Variants in TRIQK observed in about 807,000 individuals in gnomAD.
TRIQK encodes the protein triple QxxK/R motif containing.
In TRIQK, 10 loss-of-function variants were observed where a neutral mutation model predicts 10.8. The ratio of observed to expected loss-of-function variants is 0.92; its 90% confidence interval spans 0.57 to 1.57. The LOEUF (loss-of-function observed/expected upper bound fraction) is 1.57. TRIQK is among the 40% of genes most tolerant of loss of function. The probability of loss-of-function intolerance (pLI) is 0.00; values close to 1 mark genes in which losing one functional copy is unlikely to be tolerated. For synonymous variants in TRIQK, 33 were observed against 33.7 expected (o/e 0.98, Z 0.07); for missense variants, 107 against 97.7 (o/e 1.09, Z -0.40).
At chr8:92,913,798 A>C (rs747707232) in intron 3 of TRIQK, among the ~76,000 whole-genome samples, 7 of 152,128 alleles carry the variant, frequency 4.6e-5, no homozygotes, top group Non-Finnish European at 8.8e-5. Flanking sequence ...CATAAAAAAT[A>C]ATGAGTTCAT....
At chr8:92,905,555 C>T (rs991358357) in intron 3 of TRIQK, among the ~76,000 whole-genome samples, 2 of 152,104 alleles carry the variant, frequency 1.3e-5, no homozygotes, top group Admixed American at 1.3e-4. Flanking sequence ...ACTTGGATGG[C>T]GGATCCATGG....
chr8:92,921,178 A>T (rs1466174822), intron 2 of TRIQK, among the ~76,000 whole-genome samples: 1 of 151,770 alleles, frequency 6.6e-6, no homozygotes, highest in Non-Finnish European at 1.5e-5. Context: ...GGGGAGGAGT[A>T]GAAAAATGTC....
At chr8:92,938,111 T>C (rs1320024786) in intron 2 of TRIQK, among the ~76,000 whole-genome samples, 1 of 152,010 alleles carries the variant, frequency 6.6e-6, no homozygotes, top group African/African-American at 2.4e-5. Flanking sequence ...TTTTGAAGAA[T>C]ATTTTTCTTC....
chr8:92,999,218 T>G (rs574665313), intron 1 of TRIQK, among the ~76,000 whole-genome samples: 52 of 152,304 alleles, frequency 3.4e-4, no homozygotes, highest in Non-Finnish European at 5.3e-4. Flanking sequence ...CTATTGCTGT[T>G]TATTAAACCT....
intron 1 of TRIQK, among the ~76,000 whole-genome samples, chr8:92,957,383 GAATGA>G (rs1216490780): frequency 3.3e-5 from 5 of 151,732 alleles, no homozygotes; most frequent in Admixed American, 6.6e-5. Context: ...TGTGAAGTAA[GAATGA>G]AATGAAGTAT....
At chr8:92,980,934 G>T (rs1812980045) in intron 1 of TRIQK, among the ~76,000 whole-genome samples, 2 of 149,124 alleles carry the variant, frequency 1.3e-5, no homozygotes, top group Admixed American at 6.7e-5. Context: ...TTTATTTCTG[G>T]TTTTTCTAAG....
chr8:92,925,349 G>A (rs1476086931), intron 2 of TRIQK, among the ~76,000 whole-genome samples: 2 of 151,858 alleles, frequency 1.3e-5, no homozygotes, highest in East Asian at 3.8e-4. Context: ...ATTTATTGAA[G>A]AAAACATAGT....
intron 2 of TRIQK, among the ~76,000 whole-genome samples, chr8:92,949,474 G>A (rs1198636557): frequency 6.6e-6 from 1 of 151,314 alleles, no homozygotes; most frequent in Non-Finnish European, 1.5e-5. Context: ...ATTACATCAT[G>A]CTGATGTAAC....
intron 1 of TRIQK, among the ~76,000 whole-genome samples, chr8:93,001,646 T>G (rs971202177): frequency 6.6e-6 from 1 of 152,186 alleles, no homozygotes; most frequent in African/African-American, 2.4e-5. Flanking sequence ...AAGCAAATAT[T>G]ATTATATCTA....
At chr8:92,962,401 A>G (rs1412813484) in intron 1 of TRIQK, among the ~76,000 whole-genome samples, 1 of 152,212 alleles carries the variant, frequency 6.6e-6, no homozygotes, top group African/African-American at 2.4e-5. Context: ...TGTCCACTGG[A>G]GCAGGGACTC....
At chr8:93,016,535 T>C (rs1412901402) in intron 1 of TRIQK, among the ~76,000 whole-genome samples, 1 of 152,278 alleles carries the variant, frequency 6.6e-6, no homozygotes, top group Non-Finnish European at 1.5e-5. Flanking sequence ...TTACAAAGTT[T>C]GTTCCACAAA....
chr8:92,912,287 C>T (rs759891049), intron 3 of TRIQK, among the ~76,000 whole-genome samples: 3 of 151,228 alleles, frequency 2.0e-5, no homozygotes, highest in East Asian at 1.9e-4. Context: ...GGGAAATTCA[C>T]GAATACATGA....
At chr8:93,009,246 T>C (rs62520834) in intron 1 of TRIQK, among the ~76,000 whole-genome samples, 1 of 152,224 alleles carries the variant, frequency 6.6e-6, no homozygotes, top group African/African-American at 2.4e-5. Flanking sequence ...ACATTACTAA[T>C]CAACAGGAAA....
At chr8:92,940,267 A>T (rs919295593) in intron 2 of TRIQK, among the ~76,000 whole-genome samples, 1 of 151,986 alleles carries the variant, frequency 6.6e-6, no homozygotes, top group Non-Finnish European at 1.5e-5. Context: ...ACCTATCAAT[A>T]ATCACCTTAA....
rs374271677 is a variant in TRIQK at position 92,998,740 on chromosome 8, G to A, written c.-181+18869C>T. ...CTCTTGTTGCTATTTTAGGCATAAGGACTACAAAAATGAAATGACAACCTT... is the reference window on the plus strand; with the variant it reads ...CTCTTGTTGCTATTTTAGGCATAAGAACTACAAAAATGAAATGACAACCTT... On this transcript the variant is annotated intron_variant, in intron 1 of 4. Coordinates refer to the TRIQK transcript ENST00000520686. Among the ~76,000 whole-genome samples the A allele has an allele frequency of 1.1e-4, 16 of 151,904 alleles. No homozygotes were observed. The East Asian group carries it at 1.7e-3, about 16-fold the overall frequency.
chr8:92,943,586 T>C (rs1179749801), intron 2 of TRIQK, among the ~76,000 whole-genome samples: 1 of 152,194 alleles, frequency 6.6e-6, no homozygotes, highest in Non-Finnish European at 1.5e-5. Flanking sequence ...GAACAGTCTC[T>C]TCAATAAATG....
intron 1 of TRIQK, chr8:92,972,659 A>C (rs1175490242): frequency 1.3e-5 from 2 of 152,322 alleles, no homozygotes; most frequent in Non-Finnish European, 2.9e-5. Flanking sequence ...GGCCAAGAAC[A>C]CAGGAAAGTG....
chr8:92,999,871 A>G (rs1339205890), intron 1 of TRIQK, among the ~76,000 whole-genome samples: 2 of 152,180 alleles, frequency 1.3e-5, no homozygotes, highest in African/African-American at 4.8e-5. Context: ...ATTATTCTAC[A>G]TATGTAAATT....
At chr8:92,929,452 C>T (rs1339779756) in intron 2 of TRIQK, 3 of 151,988 alleles carry the variant, frequency 2.0e-5, no homozygotes, top group Admixed American at 6.6e-5. Flanking sequence ...ATAACCCAGC[C>T]CCCACCAAAA....
Sources: allele counts gnomAD v4.1 joint callset (sites outside exome capture counted in the v4.1 genomes callset), GRCh38; gene constraint gnomAD v4.1.1; transcripts MANE v1.5; gene names NCBI Gene and HGNC (gene_info 2026-07-23, HGNC 2026-07-21).